SIPA1L2: variants seen among roughly 807,000 people sequenced by gnomAD.
SIPA1L2 encodes the protein signal induced proliferation associated 1 like 2.
Under a neutral mutation model 163.9 loss-of-function variants are expected in SIPA1L2, and 56 were observed. The observed-to-expected ratio is 0.34, with a 90% CI of 0.28 to 0.43. SIPA1L2 has a LOEUF of 0.43. Among genes scored for constraint, SIPA1L2 ranks in the 20% least tolerant of loss-of-function variants. The pLI, the probability that SIPA1L2 is intolerant of heterozygous loss-of-function variation, is 1.00. For missense variants in SIPA1L2, 1,974 were observed against 2,193.5 expected, an observed-to-expected ratio of 0.90 and a Z score of 2.00; for synonymous variants, 877 against 865.7, an observed-to-expected ratio of 1.01 and a Z score of -0.23.
chr1:232,629,405 G>C (rs956235676), intron 1 of SIPA1L2, among the ~76,000 whole-genome samples: 2 of 152,216 alleles, frequency 1.3e-5, no homozygotes, highest in Non-Finnish European at 2.9e-5. Flanking sequence ...ATCCGTCCCG[G>C]TGAGGGCGCG....
intron 2 of SIPA1L2, among the ~76,000 whole-genome samples, chr1:232,557,292 T>C (rs1658769200): frequency 6.6e-6 from 1 of 152,212 alleles, no homozygotes; most frequent in African/African-American, 2.4e-5. Context: ...CCCCATAATG[T>C]GGTTATCAGT....
Position 232,515,204 on chromosome 1 carries a change from C to G in SIPA1L2, c.136G>C (p.Gly46Arg). ...RKFKAINGNM[G>R]PTTSLNASNS... Reference sequence around the variant, plus strand: ...GAGGCATTTAAAGAAGTAGTGGGTCCCATGTTGCCATTAATGGCTTTAAAT... The same window carrying G: ...GAGGCATTTAAAGAAGTAGTGGGTCGCATGTTGCCATTAATGGCTTTAAAT... The change falls in exon 3 of 23, where the codon GGA becomes CGA. Residue 46 changes from glycine to arginine, a missense_variant. By Grantham distance (125) the Gly-to-Arg change is moderately radical (BLOSUM62 -2). Around this residue, in one of 3 missense-constraint regions of SIPA1L2, gnomAD observed 607 missense variants for 624.0 expected, o/e 0.97. Coordinates refer to ENST00000674635, the MANE Select transcript of SIPA1L2 (RefSeq NM_020808.5). The G allele has an allele frequency of 6.2e-7, 1 of 1,614,148 alleles. No homozygotes were observed. The highest frequency in any genetic ancestry group is 8.5e-7 in the Non-Finnish European group (1 of 1,180,016).
chr1:232,565,824 T>C (rs1487618577), intron 2 of SIPA1L2, among the ~76,000 whole-genome samples: 2 of 152,330 alleles, frequency 1.3e-5, no homozygotes, highest in East Asian at 3.9e-4. Context: ...TCCAATATCC[T>C]GTGACTTCCT....
chr1:232,544,107 T>C (rs575001869), intron 2 of SIPA1L2, among the ~76,000 whole-genome samples: 1 of 127,978 alleles, frequency 7.8e-6, no homozygotes, highest in Non-Finnish European at 1.6e-5. Flanking sequence ...TGTATTTATG[T>C]ACCCCCCAAC....
chr1:232,407,609 T>A (rs905612179), intron 19 of SIPA1L2, among the ~76,000 whole-genome samples: 3 of 152,180 alleles, frequency 2.0e-5, no homozygotes, highest in Non-Finnish European at 4.4e-5. Context: ...TCTTTCACAT[T>A]GATATTTGCA....
At chr1:232,579,181 G>C (rs1660235666) in intron 1 of SIPA1L2, among the ~76,000 whole-genome samples, 1 of 152,202 alleles carries the variant, frequency 6.6e-6, no homozygotes. Context: ...TTCTGAGAAA[G>C]TGAAGGCAAA....
chr1:232,620,602 C>G (rs1243975487), intron 1 of SIPA1L2, among the ~76,000 whole-genome samples: 1 of 152,192 alleles, frequency 6.6e-6, no homozygotes, highest in African/African-American at 2.4e-5. Context: ...CTTCACATAA[C>G]CAGACGCACA....
intron 2 of SIPA1L2, among the ~76,000 whole-genome samples, chr1:232,565,027 G>A (rs768053799): frequency 1.3e-5 from 2 of 152,092 alleles, no homozygotes; most frequent in African/African-American, 2.4e-5. Flanking sequence ...GTAATAAACC[G>A]GCACGTTCTG....
At chr1:232,420,621 A>G in intron 18 of SIPA1L2, among the ~76,000 whole-genome samples, 1 of 151,966 alleles carries the variant, frequency 6.6e-6, no homozygotes, top group Admixed American at 6.6e-5. Flanking sequence ...GGATCACGAG[A>G]TCAGGAGATG....
At chr1:232,477,528 T>TCCCAGC (rs1162105476) in intron 7 of SIPA1L2, among the ~76,000 whole-genome samples, 11 of 152,186 alleles carry the variant, frequency 7.2e-5, no homozygotes, top group Non-Finnish European at 1.6e-4. Flanking sequence ...CAGATACAAA[T>TCCCAGC]CCCAGCTTTC....
chr1:232,518,228 C>T (rs777597712), intron 2 of SIPA1L2, among the ~76,000 whole-genome samples: 1 of 152,152 alleles, frequency 6.6e-6, no homozygotes, highest in Middle Eastern at 3.2e-3. Context: ...CTTGTTTGTG[C>T]TAAGAACATT....
intron 1 of SIPA1L2, among the ~76,000 whole-genome samples, chr1:232,615,928 T>C (rs1246123329): frequency 1.3e-5 from 2 of 152,192 alleles, no homozygotes; most frequent in African/African-American, 2.4e-5. Flanking sequence ...ATGTAATAAA[T>C]AGCTGACGAA....
At chr1:232,592,933 A>C (rs1032810237) in intron 1 of SIPA1L2, among the ~76,000 whole-genome samples, 4 of 152,202 alleles carry the variant, frequency 2.6e-5, no homozygotes, top group African/African-American at 9.6e-5. Context: ...GAAGAGAATC[A>C]GTTCCCTGTA....
At chr1:232,565,586 G>C (rs1192438917) in intron 2 of SIPA1L2, among the ~76,000 whole-genome samples, 2 of 152,172 alleles carry the variant, frequency 1.3e-5, no homozygotes, top group African/African-American at 4.8e-5. Flanking sequence ...CTTAGAACAG[G>C]AAGTACTCAA....
At chr1:232,427,060 G>A (rs544064758) in intron 17 of SIPA1L2, among the ~76,000 whole-genome samples, 8 of 152,288 alleles carry the variant, frequency 5.3e-5, no homozygotes, top group African/African-American at 1.7e-4. Context: ...GAGTTACAAA[G>A]TTAAATTTAC....
In SIPA1L2 at chr1:232,630,124, C is replaced by T. The variant is rs971660584; in HGVS notation, c.-574G>A. 6.6e-6 allele frequency among the ~76,000 whole-genome samples: 1 copy of T among 151,296 alleles called. No homozygotes were observed. The highest frequency in any genetic ancestry group is 1.5e-5 in the Non-Finnish European group (1 of 67,718). ...TCTCGCTCCGCCAGCTCCTCCCGGG[C>T]TCCCAGTCTGCCGCGCCGGCTCCCG... On this transcript the variant is annotated 5_prime_UTR_variant, in exon 1 of 23. Coordinates refer to ENST00000674635, the MANE Select transcript of SIPA1L2 (RefSeq NM_020808.5).
chr1:232,473,418 G>T (rs1245984769), intron 7 of SIPA1L2, among the ~76,000 whole-genome samples: 1 of 152,240 alleles, frequency 6.6e-6, no homozygotes, highest in Non-Finnish European at 1.5e-5. Context: ...TACTTCCTGA[G>T]TGATTGCCGG....
intron 1 of SIPA1L2, among the ~76,000 whole-genome samples, chr1:232,622,222 T>A (rs1473200298): frequency 3.3e-5 from 5 of 152,338 alleles, no homozygotes; most frequent in East Asian, 1.9e-4. Context: ...TGTCATATTA[T>A]AAGAACTAGC....
chr1:232,459,317 C>T (rs537994846), intron 10 of SIPA1L2, among the ~76,000 whole-genome samples: 10 of 152,188 alleles, frequency 6.6e-5, no homozygotes, highest in Admixed American at 3.3e-4. Context: ...CTGCTCTGAA[C>T]GGTACAGACA....
Sources: allele counts gnomAD v4.1 joint callset (sites outside exome capture counted in the v4.1 genomes callset), GRCh38; gene constraint gnomAD v4.1.1; regional missense constraint gnomAD v4.1.1; transcripts MANE v1.5; gene names NCBI Gene and HGNC (gene_info 2026-07-23, HGNC 2026-07-21).